Variants in BTBD9 observed in about 807,000 individuals in gnomAD.
The protein encoded by BTBD9 is BTB/POZ domain-containing protein 9.
A neutral mutation model predicts 64.3 loss-of-function variants in BTBD9; 49 were observed. That is an observed-to-expected ratio of 0.76 (90% CI 0.61 to 0.97). The LOEUF is 0.97. BTBD9 is among the 50% of genes least tolerant of loss of function. The pLI is 0.00. For synonymous variants in BTBD9, 260 were observed against 274.7 expected, an observed-to-expected ratio of 0.95 and a Z score of 0.53; for missense variants, 598 against 762.1, an observed-to-expected ratio of 0.78 and a Z score of 2.53.
In BTBD9 at chr6:38,171,829, A is replaced by C. The variant is rs1766778769; in HGVS notation, c.*3156T>G. 1 of 130,918 alleles carries C rather than the reference A, an allele frequency of 7.6e-6. No individual in the cohort carries two copies. Among genetic ancestry groups the C allele is most frequent in the Non-Finnish European group, 1.6e-5 (1 of 64,032 alleles). 8.1% of individuals were successfully genotyped at this position (130,918 alleles called of 1,614,324 possible). Reference sequence around the variant, plus strand: ...CTTTTTTCCCCAAAAGCTCCAATGAAGTTGCCTTTCTACTCTCAAAAAAAA... The same window carrying C: ...CTTTTTTCCCCAAAAGCTCCAATGACGTTGCCTTTCTACTCTCAAAAAAAA... On this transcript the variant is annotated 3_prime_UTR_variant, in exon 11 of 11. Transcript: ENST00000481247.
chr6:38,244,768 C>A (rs958308066), intron 9 of BTBD9, among the ~76,000 whole-genome samples: 1 of 152,160 alleles, frequency 6.6e-6, no homozygotes, highest in Non-Finnish European at 1.5e-5. Context: ...CCAAAGAAAA[C>A]TGAGCCTCTG....
At position 38,505,964 on chromosome 6, in the gene BTBD9, C is replaced by CAACA. The variant is rs1175511241; in HGVS notation, c.1154+71635_1154+71636insTGTT. 1.6e-3 allele frequency among the ~76,000 whole-genome samples: 134 copies of CAACA among 82,664 alleles called. 3 individuals carry two copies. The highest frequency in any genetic ancestry group is 5.1e-3 in the African/African-American group (124 of 24,464). 54.2% of individuals were successfully genotyped at this position (82,664 alleles called of 152,430 possible). A position where few individuals can be genotyped will look rare whatever the true frequency, so the allele number is the denominator to read the frequency against. ...TGGCAACAGCATGGCTCCGTCTCAA[C>CAACA]AAAAAAAAAAAAAAAAAAAAGGAAC... On this transcript the variant is annotated intron_variant, in intron 6 of 10. Coordinates refer to ENST00000481247, the MANE Select transcript of BTBD9 (RefSeq NM_001099272.2).
At chr6:38,420,101 C>G (rs1379998131) in intron 6 of BTBD9, among the ~76,000 whole-genome samples, 2 of 152,016 alleles carry the variant, frequency 1.3e-5, no homozygotes, top group Admixed American at 1.3e-4. Context: ...AAAAATCAAT[C>G]TTTCTAAGCT....
chr6:38,569,685 A>G lies in BTBD9; in HGVS notation c.1154+7915T>C, dbSNP rs73412387. ...GAAGCTCAACATGTTATTATCCTCT[A>G]AACAAAACAAAACAAAGAAGCTTGG... On this transcript the variant is annotated intron_variant, in intron 6 of 10. Transcript: ENST00000481247. 7.0e-3 allele frequency among the ~76,000 whole-genome samples: 1,062 copies of G among 152,242 alleles called. 13 individuals carry two copies. Among genetic ancestry groups the G allele is most frequent in the African/African-American group, 0.024 (1,009 of 41,558 alleles).
intron 6 of BTBD9, among the ~76,000 whole-genome samples, chr6:38,516,850 G>GAATA (rs1201093235): frequency 2.0e-5 from 3 of 152,180 alleles, no homozygotes; most frequent in Non-Finnish European, 4.4e-5. Context: ...GACCAATCAA[G>GAATA]AATACATTAT....
intron 8 of BTBD9, among the ~76,000 whole-genome samples, chr6:38,281,954 T>G (rs1761527388): frequency 6.6e-6 from 1 of 152,204 alleles, no homozygotes; most frequent in Non-Finnish European, 1.5e-5. Context: ...GTGCTGTCAT[T>G]TATTAGCTGG....
chr6:38,209,589 C>G (rs1348331218), intron 9 of BTBD9, among the ~76,000 whole-genome samples: 2 of 152,190 alleles, frequency 1.3e-5, no homozygotes, highest in Non-Finnish European at 2.9e-5. Context: ...ACAGCCCACA[C>G]CAATTAACGC....
At chr6:38,316,858 T>C (rs1252300498) in intron 7 of BTBD9, among the ~76,000 whole-genome samples, 1 of 152,194 alleles carries the variant, frequency 6.6e-6, no homozygotes, top group African/African-American at 2.4e-5. Context: ...CCCTTTGGCA[T>C]TTCTTGTAGG....
At chr6:38,353,271 T>G (rs574000499) in intron 6 of BTBD9, among the ~76,000 whole-genome samples, 2 of 152,342 alleles carry the variant, frequency 1.3e-5, no homozygotes, top group South Asian at 4.1e-4. Flanking sequence ...TTTCAAGCAA[T>G]GTCTTGCTTA....
chr6:38,514,098 C>T (rs1772903370), intron 6 of BTBD9, among the ~76,000 whole-genome samples: 1 of 152,244 alleles, frequency 6.6e-6, no homozygotes, highest in Non-Finnish European at 1.5e-5. Flanking sequence ...GACTATCTGA[C>T]TATTCAACCA....
chr6:38,592,857 G>A lies in BTBD9; in HGVS notation c.550-17C>T. 2 of 1,611,410 alleles carry A rather than the reference G, an allele frequency of 1.2e-6. No individual in the cohort carries two copies. Among genetic ancestry groups the A allele is most frequent in the Admixed American group, 1.7e-5 (1 of 59,896 alleles). On this transcript the variant is annotated splice_polypyrimidine_tract_variant and intron_variant, in intron 3 of 10. Transcript: ENST00000481247. ...AAGTGCTGTCTGAAAAGGATAAAAA[G>A]GTAAAATTCCAGTTATATGAAGTTC... is the stretch of plus-strand genomic sequence containing the variant.
At chr6:38,483,457 C>T (rs886926564) in intron 6 of BTBD9, among the ~76,000 whole-genome samples, 1 of 151,938 alleles carries the variant, frequency 6.6e-6, no homozygotes, top group Admixed American at 6.6e-5. Context: ...TCTGGTCTTC[C>T]CTATAGTCCA....
In BTBD9 at chr6:38,487,284, C is replaced by A. The variant is rs970742858; in HGVS notation, c.1154+90316G>T. On this transcript the variant is annotated intron_variant, in intron 6 of 10. Coordinates refer to ENST00000481247, the MANE Select transcript of BTBD9 (RefSeq NM_001099272.2). The stretch of plus-strand genomic sequence containing the variant: ...ATTTTATTTATAATCTGAAGACCTA[C>A]CTTAGGAGGGGGTGGGCTGGGTGTG... Among the ~76,000 whole-genome samples the A allele has an allele frequency of 2.0e-5, 3 of 152,008 alleles. No individual in the cohort carries two copies. The East Asian group carries it at 5.8e-4, about 29-fold the overall frequency.
chr6:38,206,554 A>C (rs1401751292), intron 9 of BTBD9, among the ~76,000 whole-genome samples: 1 of 151,944 alleles, frequency 6.6e-6, no homozygotes, highest in African/African-American at 2.4e-5. Context: ...TTTTAACTCT[A>C]GGGAAAACAA....
chr6:38,278,947 A>G (rs1486930618), intron 8 of BTBD9, among the ~76,000 whole-genome samples: 1 of 152,228 alleles, frequency 6.6e-6, no homozygotes, highest in Non-Finnish European at 1.5e-5. Context: ...GCATTTATCT[A>G]TGTAACCAAT....
intron 7 of BTBD9, among the ~76,000 whole-genome samples, chr6:38,303,842 T>TAGATAG: frequency 2.2e-5 from 1 of 45,384 alleles, no homozygotes; most frequent in Admixed American, 2.5e-4. Flanking sequence ...AGTTGCTAGA[T>TAGATAG]ATATATATAT....
At chr6:38,293,133 T>G (rs1404629530) in intron 7 of BTBD9, among the ~76,000 whole-genome samples, 1 of 151,956 alleles carries the variant, frequency 6.6e-6, no homozygotes, top group African/African-American at 2.4e-5. Flanking sequence ...CAGTTTTGAG[T>G]GAGTTTCTCC....
chr6:38,575,833 T>C (rs1335718515), intron 6 of BTBD9, among the ~76,000 whole-genome samples: 2 of 152,120 alleles, frequency 1.3e-5, no homozygotes, highest in African/African-American at 4.8e-5. Context: ...AGACAAAAAC[T>C]GCCTTCATGA....
At chr6:38,479,261 G>A (rs535093180) in intron 6 of BTBD9, among the ~76,000 whole-genome samples, 12 of 152,174 alleles carry the variant, frequency 7.9e-5, no homozygotes, top group African/African-American at 2.2e-4. Flanking sequence ...CTCCTCTCCC[G>A]ACGGCTTCCC....
Sources: allele counts gnomAD v4.1 joint callset (sites outside exome capture counted in the v4.1 genomes callset), GRCh38; gene constraint gnomAD v4.1.1; transcripts MANE v1.5; gene names NCBI Gene and HGNC (gene_info 2026-07-23, HGNC 2026-07-21).